Variants in COG2 observed in about 807,000 individuals in gnomAD.
COG2 encodes the protein conserved oligomeric Golgi complex subunit 2.
COG2 carries 52 observed loss-of-function variants against 90.6 expected under a neutral mutation model. The observed-to-expected ratio is 0.57, with a 90% confidence interval of 0.46 to 0.72. COG2 has a LOEUF of 0.72. Ranked by LOEUF, COG2 falls within the 30% of genes least tolerant of loss-of-function variation. The probability of loss-of-function intolerance (pLI) is 0.00; values close to 1 mark genes in which losing one functional copy is unlikely to be tolerated. For missense variants in COG2, 829 were observed against 891.2 expected, an observed-to-expected ratio of 0.93 and a Z score of 0.89; for synonymous variants, 337 against 320.4, an observed-to-expected ratio of 1.05 and a Z score of -0.55.
At chr1:230,643,326 G>A (rs909097569) in intron 1 of COG2, among the ~76,000 whole-genome samples, 4 of 152,222 alleles carry the variant, frequency 2.6e-5, no homozygotes, top group African/African-American at 9.6e-5. Context: ...TGATGATAAA[G>A]TTCATCAGGC....
intron 1 of COG2, among the ~76,000 whole-genome samples, chr1:230,650,411 T>TG (rs1276668553): frequency 7.9e-5 from 12 of 152,198 alleles, no homozygotes; most frequent in African/African-American, 2.7e-4. Flanking sequence ...TGGTGTTAGA[T>TG]GGTATCTCAT....
At chr1:230,671,204 C>T (rs572994978) in intron 7 of COG2, 14 of 162,648 alleles carry the variant, frequency 8.6e-5, no homozygotes, top group Non-Finnish European at 1.9e-4. Context: ...GTTGTGGTGG[C>T]GAATCATGTG....
chr1:230,666,779 C>T (rs931099531), intron 5 of COG2, among the ~76,000 whole-genome samples: 1 of 152,154 alleles, frequency 6.6e-6, no homozygotes, highest in African/African-American at 2.4e-5. Flanking sequence ...TAGCTCAAAA[C>T]ATGCTTAAAG....
intron 12 of COG2, 66 bp from the exon 13 acceptor site, chr1:230,686,843 ATGGTGAGTTATTGACGCGCACATATG>A: frequency 1.4e-6 from 1 of 693,720 alleles, no homozygotes; most frequent in Non-Finnish European, 2.3e-6. Context: ...CTAGCATTTA[ATGGTGAGTTATTGACGCGCACATATG>A]TAATATATAA....
chr1:230,670,964 A>G (rs947096738), intron 7 of COG2: 15 of 151,636 alleles, frequency 9.9e-5, no homozygotes, highest in African/African-American at 3.6e-4. Flanking sequence ...AACTGAATCT[A>G]GTGTGCTAAA....
At chr1:230,655,872 T>C (rs1034874562) in intron 1 of COG2, among the ~76,000 whole-genome samples, 1 of 152,246 alleles carries the variant, frequency 6.6e-6, no homozygotes, top group Admixed American at 6.5e-5. Flanking sequence ...CTAGATTTTC[T>C]AGTTTATTCG....
At chr1:230,654,034 C>CT (rs1661985153) in intron 1 of COG2, among the ~76,000 whole-genome samples, 1 of 152,140 alleles carries the variant, frequency 6.6e-6, no homozygotes, top group African/African-American at 2.4e-5. Context: ...GTCAGGTGGA[C>CT]AGATTGCAAA....
chr1:230,685,382 C>T, intron 12 of COG2, 146 bp downstream of exon 12: 1 of 758,222 alleles, frequency 1.3e-6, no homozygotes, highest in Non-Finnish European at 2.1e-6. Context: ...TTGTCTCCAG[C>T]TCTGTGTCTG....
intron 5 of COG2, among the ~76,000 whole-genome samples, 176 bp from the exon 6 acceptor site, chr1:230,668,500 C>T (rs1462055856): frequency 6.6e-6 from 1 of 152,162 alleles, no homozygotes; most frequent in African/African-American, 2.4e-5. Context: ...GGAACATTGA[C>T]TGATGGCACA....
In COG2 at chr1:230,668,756, G is replaced by A. The variant is rs369552460; in HGVS notation, c.566G>A (p.Gly189Asp). 1 of 1,610,846 alleles carries A rather than the reference G, an allele frequency of 6.2e-7. No individual in the cohort carries two copies. The highest frequency in any genetic ancestry group is 1.1e-5 in the South Asian group (1 of 90,364). ...CAGTTTCATGCTGTTCAAAGCAAAG[G>A]CATGCCTCTTTTGGACAAAGTAAGA... ...QLQFHAVQSK[G>D]MPLLDKVRPR... Residue 189 changes from glycine (G) to aspartate (D), a missense_variant, in exon 6 of 18, where the codon GGC becomes GAC. Coordinates refer to ENST00000366669, the MANE Select transcript of COG2 (RefSeq NM_007357.3).
intron 9 of COG2, among the ~76,000 whole-genome samples, chr1:230,676,029 A>C (rs1449280342): frequency 6.6e-6 from 1 of 152,226 alleles, no homozygotes; most frequent in Non-Finnish European, 1.5e-5. Flanking sequence ...TCAAAAATCA[A>C]TGTGTAAGTT....
chr1:230,656,953 C>T (rs2102747366), intron 1 of COG2, among the ~76,000 whole-genome samples: 1 of 152,268 alleles, frequency 6.6e-6, no homozygotes, highest in Admixed American at 6.5e-5. Context: ...TTATTTTGAG[C>T]CTATGTGTGT....
intron 10 of COG2, chr1:230,680,693 TAAAA>T (rs1571959822): frequency 6.6e-6 from 1 of 152,192 alleles, no homozygotes; most frequent in African/African-American, 2.4e-5. Flanking sequence ...CATGAAATTT[TAAAA>T]AAACACGTTT....
chr1:230,644,593 C>T (rs1661715256), intron 1 of COG2, among the ~76,000 whole-genome samples: 1 of 152,188 alleles, frequency 6.6e-6, no homozygotes, highest in Non-Finnish European at 1.5e-5. Flanking sequence ...TATTACCTCT[C>T]TTCTGGTATT....
intron 11 of COG2, 84 bp from the exon 12 acceptor site, chr1:230,685,001 C>T (rs925682462): frequency 4.1e-6 from 6 of 1,465,336 alleles, no homozygotes; most frequent in East Asian, 4.6e-5. Context: ...ACCTTTGAAT[C>T]GTACATCGGA....
intron 9 of COG2, among the ~76,000 whole-genome samples, chr1:230,675,410 C>T (rs1011105346): frequency 6.6e-6 from 1 of 152,020 alleles, no homozygotes; most frequent in Non-Finnish European, 1.5e-5. Flanking sequence ...TAAAAACATC[C>T]TGAGGACCAT....
At chr1:230,659,422 T>TG (rs1662132877) in intron 1 of COG2, 42 bp from the exon 2 acceptor site, 5 of 1,483,200 alleles carry the variant, frequency 3.4e-6, no homozygotes, top group Non-Finnish European at 4.7e-6. Flanking sequence ...GTCACTGTGA[T>TG]ATCATTGCTA....
intron 16 of COG2, among the ~76,000 whole-genome samples, chr1:230,690,791 CAAT>C (rs898892266): frequency 1.3e-5 from 2 of 152,092 alleles, no homozygotes; most frequent in Non-Finnish European, 2.9e-5. Flanking sequence ...TAGAACATAA[CAAT>C]GATGTATAAT....
intron 7 of COG2, chr1:230,670,429 G>A (rs1662421449): frequency 6.6e-6 from 1 of 152,124 alleles, no homozygotes; most frequent in South Asian, 2.1e-4. Context: ...TTTTAAAGTG[G>A]AAAGTTGAGA....
Sources: gnomAD v4.1 joint callset for allele counts (sites outside exome capture counted in the v4.1 genomes callset) on GRCh38, gnomAD v4.1.1 for gene constraint, MANE v1.5 for transcripts, NCBI Gene and HGNC (gene_info 2026-07-23, HGNC 2026-07-21) for gene names.